Variants in TM2D1 observed in about 807,000 individuals in gnomAD.
The protein encoded by TM2D1 is TM2 domain containing 1.
Under a neutral mutation model 28.4 loss-of-function variants are expected in TM2D1, and 15 were observed. The observed-to-expected ratio is 0.53, with a 90% CI of 0.35 to 0.81. The LOEUF (loss-of-function observed/expected upper bound fraction) is 0.81. Among genes scored for constraint, TM2D1 ranks in the 40% least tolerant of loss-of-function variants. TM2D1 has a pLI of 0.01. For missense variants in TM2D1, 236 were observed against 254.9 expected (o/e 0.93, Z 0.50); for synonymous variants, 93 against 96.2 (o/e 0.97, Z 0.20).
In TM2D1 at chr1:61,700,954, TA is replaced by T; in HGVS notation, c.418del (p.Tyr140ThrfsTer10). 2 of 1,610,666 alleles carry T rather than the reference TA, an allele frequency of 1.2e-6. No individual in the cohort carries two copies. Among genetic ancestry groups the T allele is most frequent in the South Asian group, 2.2e-5 (2 of 90,108 alleles). Reference sequence around the variant, plus strand: ...CGCACCCAAAGCAGGGTATCCAAGGTAAAATCGATCTGCTCCCAACCATCCA... The same window carrying T: ...CGCACCCAAAGCAGGGTATCCAAGGTAAATCGATCTGCTCCCAACCATCCA... ...FLGWLGADRF[Y>X]LGYPALGLLK... On this transcript the variant is annotated frameshift_variant, in exon 4 of 7. Transcript: ENST00000606498. LOFTEE classifies it high-confidence loss of function.
intron 2 of TM2D1, among the ~76,000 whole-genome samples, chr1:61,716,384 T>TAC (rs1644520076): frequency 6.8e-6 from 1 of 146,080 alleles, no homozygotes; most frequent in East Asian, 1.9e-4. Context: ...TATATAATTT[T>TAC]ATATATAATT....
chr1:61,717,202 C>CA (rs58545051), intron 2 of TM2D1, among the ~76,000 whole-genome samples: 4,554 of 143,712 alleles, frequency 0.032, 211 homozygotes, highest in African/African-American at 0.1. Context: ...CAAAACAAAA[C>CA]AAAAAAAAAA....
chr1:61,714,226 T>A (rs1295047281), intron 2 of TM2D1, among the ~76,000 whole-genome samples: 2 of 148,016 alleles, frequency 1.4e-5, no homozygotes, highest in African/African-American at 4.9e-5. Flanking sequence ...GAGTTGAAAA[T>A]GCCTGGTAAA....
In TM2D1 at chr1:61,690,211, G is replaced by T. The variant is rs1263460516; in HGVS notation, c.513+4486C>A. On this transcript the variant is annotated intron_variant, in intron 5 of 6. Transcript: ENST00000606498. ...GTGGCTAATGCCTGTAATCCCAGCA[G>T]TTTGGGAGGCCAAGGTGGGTGGATC... Among the ~76,000 whole-genome samples the T allele has an allele frequency of 2.0e-5, 3 of 152,178 alleles. No homozygotes were observed. The East Asian group carries it at 5.8e-4, about 29-fold the overall frequency.
intron 2 of TM2D1, among the ~76,000 whole-genome samples, chr1:61,715,645 CAAAAAAAAAAAAAAAAAAAAA>C (rs759796747): frequency 2.6e-3 from 42 of 16,426 alleles, no homozygotes; most frequent in Admixed American, 0.02. Flanking sequence ...AAGACTGTCT[CAAAAAAAAAAAAAAAAAAAAA>C]AAAAAAAAAC....
chr1:61,701,366 A>G (rs181718159), intron 3 of TM2D1, among the ~76,000 whole-genome samples: 9 of 141,242 alleles, frequency 6.4e-5, no homozygotes, highest in Non-Finnish European at 7.7e-5. Context: ...GAATGCCGGG[A>G]GCCATTTAAA....
At chr1:61,721,308 G>A (rs533484645) in intron 2 of TM2D1, among the ~76,000 whole-genome samples, 2 of 151,998 alleles carry the variant, frequency 1.3e-5, no homozygotes, top group East Asian at 1.9e-4. Flanking sequence ...TTGGGAGGAC[G>A]AGGCAGGTGG....
rs1353883451 is a variant in TM2D1, at chr1:61,709,182, CACTT to C, written c.347+143_347+146del. The C allele has an allele frequency of 5.4e-6, 3 of 558,636 alleles. No individual in the cohort carries two copies. The African/African-American group carries it at 5.8e-5, about 11-fold the overall frequency. 34.6% of individuals were successfully genotyped at this position (558,636 alleles called of 1,614,324 possible). On this transcript the variant is annotated intron_variant, in intron 3 of 6. Transcript: ENST00000606498. ...CTTATCTCAAAAACCAAAAAACAAACACTTAAAATAAAGGTTTTCTGACACAAGC... is the reference window on the plus strand; with the variant it reads ...CTTATCTCAAAAACCAAAAAACAAACAAAATAAAGGTTTTCTGACACAAGC...
At chr1:61,715,218 A>T (rs1169318881) in intron 2 of TM2D1, among the ~76,000 whole-genome samples, 2 of 152,142 alleles carry the variant, frequency 1.3e-5, no homozygotes, top group Non-Finnish European at 2.9e-5. Flanking sequence ...AAGATCGAGA[A>T]CTCCAAAGAG....
intron 2 of TM2D1, among the ~76,000 whole-genome samples, chr1:61,714,264 T>G (rs1644501064): frequency 6.8e-6 from 1 of 147,260 alleles, no homozygotes; most frequent in Admixed American, 6.8e-5. Flanking sequence ...GAGCCCTGGA[T>G]GGGCGCAGTG....
chr1:61,695,815 C>G (rs1306631894), intron 4 of TM2D1, among the ~76,000 whole-genome samples: 2 of 152,264 alleles, frequency 1.3e-5, no homozygotes, highest in Admixed American at 6.5e-5. Flanking sequence ...TATTAAAATA[C>G]AGAAATAATT....
intron 1 of TM2D1, among the ~76,000 whole-genome samples, chr1:61,724,734 G>A (rs1644592569): frequency 1.3e-5 from 2 of 152,286 alleles, no homozygotes; most frequent in Non-Finnish European, 1.5e-5. Context: ...AGAAGAGGAA[G>A]CGCCAATGAC....
chr1:61,705,920 A>G (rs900383161), intron 3 of TM2D1, among the ~76,000 whole-genome samples: 4 of 152,220 alleles, frequency 2.6e-5, no homozygotes, highest in African/African-American at 9.6e-5. Flanking sequence ...CAATACTAAG[A>G]TGAAATTTTA....
chr1:61,709,482 A>G (rs1000743627), intron 2 of TM2D1, 45 bp from the exon 3 acceptor site: 3 of 1,353,646 alleles, frequency 2.2e-6, no homozygotes, highest in Non-Finnish European at 3.2e-6. Flanking sequence ...TTTTTTCTGG[A>G]GAAACAGTAT....
rs140717126 is a variant in TM2D1, at chr1:61,692,617, C to T, written c.513+2080G>A. ...AATAAACAAAAAGATGAGCCAGGGC[C>T]AGGCACAGTGACTCATGCCTGTAAT... On this transcript the variant is annotated intron_variant, in intron 5 of 6. Coordinates refer to ENST00000606498, the MANE Select transcript of TM2D1 (RefSeq NM_032027.3). 5.7e-3 allele frequency among the ~76,000 whole-genome samples: 872 copies of T among 152,138 alleles called. 11 individuals are homozygous for T. The highest frequency in any genetic ancestry group is 0.02 in the African/African-American group (818 of 41,512).
intron 1 of TM2D1, among the ~76,000 whole-genome samples, chr1:61,724,696 C>G (rs536923648): frequency 6.6e-6 from 1 of 151,938 alleles, no homozygotes; most frequent in Non-Finnish European, 1.5e-5. Flanking sequence ...AGTAAGCACA[C>G]TGATAAAAAA....
intron 5 of TM2D1, among the ~76,000 whole-genome samples, chr1:61,692,970 C>G (rs1379897541): frequency 6.6e-6 from 1 of 152,160 alleles, no homozygotes; most frequent in Non-Finnish European, 1.5e-5. Flanking sequence ...AGGCCAGGTG[C>G]AGTTGCTCAC....
chr1:61,692,588 G>GA (rs1340776288), intron 5 of TM2D1, among the ~76,000 whole-genome samples: 2 of 151,728 alleles, frequency 1.3e-5, no homozygotes, highest in African/African-American at 4.8e-5. Context: ...GGGAAGGAAA[G>GA]AAAAATAAAC....
chr1:61,704,649 C>T (rs1417180994), intron 3 of TM2D1, among the ~76,000 whole-genome samples: 6 of 152,136 alleles, frequency 3.9e-5, no homozygotes, highest in Non-Finnish European at 8.8e-5. Flanking sequence ...CCAGGCTGGT[C>T]TCAAACTTCT....
Sources: allele counts gnomAD v4.1 joint callset (sites outside exome capture counted in the v4.1 genomes callset), GRCh38; gene constraint gnomAD v4.1.1; transcripts MANE v1.5; gene names NCBI Gene and HGNC (gene_info 2026-07-23, HGNC 2026-07-21).